The following WWOX variants were observed in gnomAD, a reference collection of about 807,000 sequenced individuals.
The protein encoded by WWOX is WW domain containing oxidoreductase.
In WWOX, 69 loss-of-function variants were observed where a neutral mutation model predicts 46.2. The ratio of observed to expected loss-of-function variants is 1.49; its 90% CI spans 1.23 to 1.82. The LOEUF is 1.82. WWOX is among the 40% of genes most tolerant of loss of function. The pLI, the probability that WWOX is intolerant of heterozygous loss-of-function variation, is 0.00. For missense variants in WWOX, 919 were observed against 542.6 expected, an observed-to-expected ratio of 1.69 and a Z score of -6.89; for synonymous variants, 359 against 202.6, an observed-to-expected ratio of 1.77 and a Z score of -6.56.
intron 8 of WWOX, among the ~76,000 whole-genome samples, chr16:79,039,464 G>A (rs528109212): frequency 6.6e-6 from 1 of 152,274 alleles, no homozygotes; most frequent in African/African-American, 2.4e-5. Context: ...CAGCTGTGCA[G>A]AACCAGAGGC....
At chr16:78,440,442 C>T (rs576731608) in intron 8 of WWOX, among the ~76,000 whole-genome samples, 1 of 152,132 alleles carries the variant, frequency 6.6e-6, no homozygotes, top group Non-Finnish European at 1.5e-5. Context: ...GTTTTGGTCT[C>T]TCAGATTATA....
chr16:78,411,050 A>G (rs995320925), intron 6 of WWOX, among the ~76,000 whole-genome samples: 10 of 152,162 alleles, frequency 6.6e-5, no homozygotes, highest in African/African-American at 2.2e-4. Flanking sequence ...CAAGAGAGCA[A>G]GAACAGGAGT....
intron 5 of WWOX, among the ~76,000 whole-genome samples, chr16:78,307,629 C>T (rs371937975): frequency 4.3e-4 from 65 of 152,208 alleles, no homozygotes; most frequent in Middle Eastern, 6.8e-3. Flanking sequence ...GGGCTTTTGA[C>T]GTCCAGAATG....
At chr16:78,673,373 C>A (rs866468074) in intron 8 of WWOX, among the ~76,000 whole-genome samples, 1 of 152,170 alleles carries the variant, frequency 6.6e-6, no homozygotes, top group Non-Finnish European at 1.5e-5. Context: ...CTCTCTAACA[C>A]CACGTTTATT....
intron 8 of WWOX, among the ~76,000 whole-genome samples, chr16:78,980,963 G>T (rs2046669558): frequency 6.6e-6 from 1 of 152,100 alleles, no homozygotes; most frequent in South Asian, 2.1e-4. Context: ...TCACAGGGTT[G>T]GCCCCACAGT....
chr16:78,761,248 T>G (rs779656908), intron 8 of WWOX, among the ~76,000 whole-genome samples: 1 of 152,156 alleles, frequency 6.6e-6, no homozygotes, highest in Non-Finnish European at 1.5e-5. Context: ...TAGTAGACCA[T>G]AAGCAAAAGA....
chr16:78,618,367 T>C (rs916806992), intron 8 of WWOX, among the ~76,000 whole-genome samples: 2 of 152,178 alleles, frequency 1.3e-5, no homozygotes, highest in Non-Finnish European at 1.5e-5. Flanking sequence ...GAGTCCTAGA[T>C]CAAGGTGTCA....
chr16:78,715,378 T>G (rs918267793), intron 8 of WWOX, among the ~76,000 whole-genome samples: 1 of 152,174 alleles, frequency 6.6e-6, no homozygotes, highest in Non-Finnish European at 1.5e-5. Flanking sequence ...AGGTTATTCA[T>G]TCTTCTGGGA....
chr16:78,532,490 G>A (rs1044490243), intron 8 of WWOX, among the ~76,000 whole-genome samples: 15 of 152,160 alleles, frequency 9.9e-5, no homozygotes, highest in African/African-American at 3.6e-4. Context: ...ATACTAGCTA[G>A]GGTGTTGATA....
At chr16:79,150,797 G>A (rs901558450) in intron 8 of WWOX, among the ~76,000 whole-genome samples, 10 of 152,142 alleles carry the variant, frequency 6.6e-5, no homozygotes, top group African/African-American at 2.2e-4. Context: ...GTGTGTCACT[G>A]CATCCAGCTT....
At chr16:78,643,444 T>A (rs1461130852) in intron 8 of WWOX, among the ~76,000 whole-genome samples, 2 of 152,086 alleles carry the variant, frequency 1.3e-5, no homozygotes, top group African/African-American at 4.8e-5. Context: ...GTCTCCCAGC[T>A]CATAAGGTGT....
intron 8 of WWOX, among the ~76,000 whole-genome samples, chr16:79,141,176 C>T (rs1472089116): frequency 3.3e-5 from 5 of 152,202 alleles, no homozygotes; most frequent in Admixed American, 3.3e-4. Context: ...TATTCAGAAA[C>T]TCAAAAGAAT....
intron 8 of WWOX, among the ~76,000 whole-genome samples, chr16:78,635,810 G>A (rs1392589275): frequency 1.3e-5 from 2 of 152,280 alleles, no homozygotes; most frequent in African/African-American, 2.4e-5. Context: ...CTAGTGGAAG[G>A]CGTGCCCAAA....
chr16:79,166,908 C>CA (rs908877009), intron 8 of WWOX, among the ~76,000 whole-genome samples: 8 of 152,082 alleles, frequency 5.3e-5, no homozygotes, highest in African/African-American at 1.9e-4. Flanking sequence ...GCTAAGTATA[C>CA]AACACTCGGT....
chr16:78,883,031 G>T (rs1015183996), intron 8 of WWOX, among the ~76,000 whole-genome samples: 2 of 152,134 alleles, frequency 1.3e-5, no homozygotes, highest in East Asian at 1.9e-4. Flanking sequence ...CTAAATTGAA[G>T]GCTTGAGGAC....
chr16:78,460,538 C>T (rs188812397), intron 8 of WWOX, among the ~76,000 whole-genome samples: 231 of 152,266 alleles, frequency 1.5e-3, no homozygotes, highest in African/African-American at 5.2e-3. Flanking sequence ...GTGACTGATA[C>T]CAACACCATA....
At chr16:78,612,343 A>C (rs1196323658) in intron 8 of WWOX, among the ~76,000 whole-genome samples, 2 of 152,248 alleles carry the variant, frequency 1.3e-5, no homozygotes, top group Admixed American at 6.5e-5. Context: ...GTGTCCATAC[A>C]TTTGATGGGT....
intron 5 of WWOX, among the ~76,000 whole-genome samples, chr16:78,327,117 A>G (rs989213194): frequency 6.6e-6 from 1 of 152,162 alleles, no homozygotes; most frequent in African/African-American, 2.4e-5. Flanking sequence ...CAAGTCCCTA[A>G]GTGACCCCAC....
chr16:79,070,436 C>G (rs1460318868), intron 8 of WWOX, among the ~76,000 whole-genome samples: 1 of 152,126 alleles, frequency 6.6e-6, no homozygotes, highest in Non-Finnish European at 1.5e-5. Context: ...GTCCAGATGC[C>G]CTTTTTCTTG....
Sources: gnomAD v4.1 joint callset for allele counts (sites outside exome capture counted in the v4.1 genomes callset) on GRCh38, gnomAD v4.1.1 for gene constraint, MANE v1.5 for transcripts, NCBI Gene and HGNC (gene_info 2026-07-23, HGNC 2026-07-21) for gene names.